Variants in ADIG observed in about 807,000 individuals in gnomAD.
ADIG encodes adipogenin.
Under a neutral mutation model 10.7 loss-of-function variants are expected in ADIG, and 12 were observed. The ratio of observed to expected loss-of-function variants is 1.12; its 90% CI spans 0.72 to 1.82. The LOEUF is 1.82. Ranked by LOEUF, ADIG falls within the 40% of genes most tolerant of loss-of-function variation. The pLI, the probability that ADIG is intolerant of heterozygous loss-of-function variation, is 0.00. For missense variants in ADIG, 72 were observed against 92.5 expected, an observed-to-expected ratio of 0.78 and a Z score of 0.91; for synonymous variants, 32 against 35.6, an observed-to-expected ratio of 0.90 and a Z score of 0.36.
rs777332293 is a variant in ADIG, at chr20:38,581,231, A to G, written c.-20A>G. The stretch of plus-strand genomic sequence containing the variant: ...CTGCCAGCCCAGCCCAGGCTGGCCC[A>G]GCTTAGCCACACATGCGCCATGAAG... On this transcript the variant is annotated 5_prime_UTR_variant, in exon 1 of 3. Coordinates refer to ENST00000537425, the MANE Select transcript of ADIG (RefSeq NM_001393816.1). 6.3e-7 allele frequency: 1 copy of G among 1,596,980 alleles called. No homozygotes were observed. Among genetic ancestry groups the G allele is most frequent in the South Asian group, 1.1e-5 (1 of 89,472 alleles).
intron 1 of ADIG, among the ~76,000 whole-genome samples, chr20:38,584,818 A>G (rs1292492135): frequency 6.6e-6 from 1 of 151,228 alleles, no homozygotes; most frequent in Non-Finnish European, 1.5e-5. Context: ...TCGCTCTGTC[A>G]CCAGGTTGGA....
intron 1 of ADIG, among the ~76,000 whole-genome samples, chr20:38,584,839 G>A (rs1338843223): frequency 3.3e-5 from 5 of 151,794 alleles, no homozygotes; most frequent in African/African-American, 2.4e-5. Flanking sequence ...GTGCAGTGGC[G>A]CGATCTCGGC....
intron 1 of ADIG, among the ~76,000 whole-genome samples, chr20:38,585,071 G>A (rs576696735): frequency 5.3e-5 from 8 of 152,318 alleles, no homozygotes; most frequent in South Asian, 2.1e-4. Context: ...CACTGTGCCC[G>A]GCCCCTACTG....
chr20:38,586,323 TG>T, intron 2 of ADIG, 162 bp downstream of exon 2: 1 of 615,740 alleles, frequency 1.6e-6, no homozygotes. Context: ...TGCTTCATTG[TG>T]GGGGAGACCT....
chr20:38,584,783 C>CT lies in ADIG; in HGVS notation c.125-1233dup, dbSNP rs749025163. ...CAGTCACTTCACGCTATCCTACTGA[C>CT]TTTTTTTTTTTTTGAGACGGAGTCT... is the stretch of plus-strand genomic sequence containing the variant. On this transcript the variant is annotated intron_variant, in intron 1 of 2. Coordinates refer to ENST00000537425, the MANE Select transcript of ADIG (RefSeq NM_001393816.1). Among the ~76,000 whole-genome samples, 1,345 of 146,972 alleles carry CT rather than the reference C, an allele frequency of 9.2e-3. 20 individuals carry two copies. The highest frequency in any genetic ancestry group is 0.027 in the African/African-American group (1,097 of 40,170).
chr20:38,583,742 A>G (rs1187360569), intron 1 of ADIG, among the ~76,000 whole-genome samples: 1 of 151,738 alleles, frequency 6.6e-6, no homozygotes, highest in African/African-American at 2.4e-5. Flanking sequence ...AACCTACCCC[A>G]CTCCAACCCC....
chr20:38,582,628 T>G (rs1051173307), intron 1 of ADIG, among the ~76,000 whole-genome samples: 2 of 152,174 alleles, frequency 1.3e-5, no homozygotes, highest in Middle Eastern at 3.2e-3. Flanking sequence ...GATGTCCTTT[T>G]GTTTCTAGAA....
intron 1 of ADIG, among the ~76,000 whole-genome samples, chr20:38,582,644 T>TTATTTAAAG (rs2088599496): frequency 6.6e-6 from 1 of 152,158 alleles, no homozygotes. Context: ...TAGAAAGTGT[T>TTATTTAAAG]TATTTAAAGT....
intron 1 of ADIG, chr20:38,585,765 T>C: frequency 4.9e-6 from 3 of 608,468 alleles, no homozygotes; most frequent in Admixed American, 5.9e-5. Flanking sequence ...CAGTACAGTA[T>C]GTCATTTGCT....
At chr20:38,588,080 C>T (rs1423755077) in intron 2 of ADIG, 21 bp from the exon 3 acceptor site, 1 of 1,286,478 alleles carries the variant, frequency 7.8e-7, no homozygotes, top group Admixed American at 2.4e-5. Flanking sequence ...TCCCTAGTCC[C>T]AACCTTCCTT....
Position 38,586,367 on chromosome 20 carries a change from G to A in ADIG, c.*14+206G>A, listed in dbSNP as rs1368407587. 4 of 536,680 alleles carry A rather than the reference G, an allele frequency of 7.5e-6. No homozygotes were observed. In the African/African-American group the frequency reaches 7.7e-5, roughly 10 times the overall value. The allele number at this position is 536,680 out of a possible 1,614,324, so 33.2% of individuals were successfully genotyped here. On this transcript the variant is annotated intron_variant, in intron 2 of 2. Coordinates refer to ENST00000537425, the MANE Select transcript of ADIG (RefSeq NM_001393816.1). ...CCCTGTTAAAGGGCCAGCCCCCTGTGCCACAAGGAGCCTTTACAAAGGTCC... is the reference window on the plus strand; with the variant it reads ...CCCTGTTAAAGGGCCAGCCCCCTGTACCACAAGGAGCCTTTACAAAGGTCC...
At chr20:38,587,976 G>T in intron 2 of ADIG, 125 bp from the exon 3 acceptor site, 7 of 1,131,222 alleles carry the variant, frequency 6.2e-6, no homozygotes, top group Non-Finnish European at 8.0e-6. Flanking sequence ...GACCTTAGAT[G>T]ATCCACCTGC....
intron 1 of ADIG, 79 bp from the exon 2 acceptor site, chr20:38,585,950 T>G (rs2088632276): frequency 7.1e-7 from 1 of 1,400,498 alleles, no homozygotes; most frequent in Non-Finnish European, 9.8e-7. Context: ...TACCCAGGCC[T>G]GGCAGGGGAC....
intron 1 of ADIG, among the ~76,000 whole-genome samples, chr20:38,582,470 A>G (rs569106440): frequency 4.6e-5 from 7 of 152,318 alleles, no homozygotes; most frequent in African/African-American, 1.7e-4. Context: ...CAAGCTAGGC[A>G]GGGAGGGCGC....
chr20:38,587,251 G>A (rs146385365), intron 2 of ADIG, among the ~76,000 whole-genome samples: 9 of 114,174 alleles, frequency 7.9e-5, no homozygotes, highest in East Asian at 7.1e-4. Flanking sequence ...TCACGTGTCC[G>A]CCTTTCTCTG....
At chr20:38,585,279 C>T (rs879613932) in intron 1 of ADIG, among the ~76,000 whole-genome samples, 18 of 152,220 alleles carry the variant, frequency 1.2e-4, no homozygotes, top group Non-Finnish European at 2.5e-4. Flanking sequence ...TTCCCCATCC[C>T]TCTTTTTTTC....
intron 1 of ADIG, chr20:38,585,312 G>A: frequency 1.9e-6 from 2 of 1,038,046 alleles, no homozygotes; most frequent in Non-Finnish European, 1.4e-6. Context: ...CCCAAGATGA[G>A]TCTGTTAGCA....
At chr20:38,585,074 C>G (rs939475511) in intron 1 of ADIG, among the ~76,000 whole-genome samples, 17 of 152,186 alleles carry the variant, frequency 1.1e-4, no homozygotes, top group African/African-American at 4.1e-4. Context: ...TGTGCCCGGC[C>G]CCTACTGACT....
intron 1 of ADIG, among the ~76,000 whole-genome samples, chr20:38,584,747 C>G (rs182613774): frequency 3.3e-5 from 5 of 151,464 alleles, no homozygotes; most frequent in Admixed American, 3.3e-4. Flanking sequence ...AATACTCTCT[C>G]TAGTGAAGAA....
Sources: gnomAD v4.1 joint callset for allele counts (sites outside exome capture counted in the v4.1 genomes callset) on GRCh38, gnomAD v4.1.1 for gene constraint, MANE v1.5 for transcripts, NCBI Gene and HGNC (gene_info 2026-07-23, HGNC 2026-07-21) for gene names.